Variants in PCDHGB7 observed in about 807,000 individuals in gnomAD.
PCDHGB7 encodes protocadherin gamma-B7.
Under a neutral mutation model 61.4 loss-of-function variants are expected in PCDHGB7, and 37 were observed. That is an observed-to-expected ratio of 0.60 (90% CI 0.46 to 0.79). PCDHGB7 has a LOEUF of 0.79. Among genes scored for constraint, PCDHGB7 ranks in the 30% least tolerant of loss-of-function variants. The pLI is 0.00. For synonymous variants in PCDHGB7, 464 were observed against 503.5 expected (o/e 0.92, Z 1.05); for missense variants, 1,166 against 1,202.5 (o/e 0.97, Z 0.45).
chr5:141,421,748 G>C, intron 1 of PCDHGB7: 1 of 1,613,944 alleles, frequency 6.2e-7, no homozygotes, highest in Non-Finnish European at 8.5e-7. Flanking sequence ...TACCAGCTCA[G>C]CCCTAATAAT....
In PCDHGB7 at chr5:141,432,598, G is replaced by A; in HGVS notation, c.2415+12324G>A. The A allele has an allele frequency of 6.2e-7, 1 of 1,613,920 alleles. No individual in the cohort carries two copies. The highest frequency in any genetic ancestry group is 8.5e-7 in the Non-Finnish European group (1 of 1,179,972). On this transcript the variant is annotated intron_variant, in intron 1 of 3. Transcript: ENST00000398594. The surrounding 1 kb of genome is among the most constrained non-coding windows in gnomAD (Gnocchi z 6.0). ...CCTACCGTCTGCTCAAGGCCAGCGA[G>A]CCGGGACTCTTCTCGGTGGGTCTGC...
At position 141,447,140 on chromosome 5, in the gene PCDHGB7, T is replaced by C. The variant is rs770212881; in HGVS notation, c.2415+26866T>C. ...ATGGATTTTTTTGTTTGTTTGTTTT[T>C]TGTTTTTGTTTTTGTTTAAGCGGGG... On this transcript the variant is annotated intron_variant, in intron 1 of 3. Coordinates refer to ENST00000398594, the MANE Select transcript of PCDHGB7 (RefSeq NM_018927.4). Among the ~76,000 whole-genome samples the C allele has an allele frequency of 6.6e-5, 10 of 152,158 alleles. 1 individual carries two copies. Among genetic ancestry groups the C allele is most frequent in the Non-Finnish European group, 1.2e-4 (8 of 68,042 alleles).
chr5:141,478,857 C>A, intron 1 of PCDHGB7: 1 of 1,353,600 alleles, frequency 7.4e-7, no homozygotes, highest in Non-Finnish European at 9.8e-7. Context: ...AACACAAGAT[C>A]TCAGCGATCA....
chr5:141,443,443 G>A (rs2098388456), intron 1 of PCDHGB7, among the ~76,000 whole-genome samples: 1 of 152,124 alleles, frequency 6.6e-6, no homozygotes, highest in African/African-American at 2.4e-5. Flanking sequence ...CTGTGGTTGC[G>A]CTCCTGTACT....
chr5:141,430,108 G>A (rs572634913), intron 1 of PCDHGB7, among the ~76,000 whole-genome samples: 1 of 152,190 alleles, frequency 6.6e-6, no homozygotes, highest in South Asian at 2.1e-4. Context: ...AGCGTTACAT[G>A]TCAACAACCT....
At chr5:141,422,181 G>A in intron 1 of PCDHGB7, 3 of 1,561,316 alleles carry the variant, frequency 1.9e-6, no homozygotes, top group Non-Finnish European at 2.6e-6. Flanking sequence ...TCTATGAGAT[G>A]GAAATTCAAG....
At chr5:141,450,829 A>T (rs187691791) in intron 1 of PCDHGB7, among the ~76,000 whole-genome samples, 19,077 of 135,014 alleles carry the variant, frequency 0.14, 1,595 homozygotes, top group African/African-American at 0.24. Context: ...TATTATTATT[A>T]TTTTTTTTTT....
chr5:141,482,923 AT>A (rs1193255251), intron 1 of PCDHGB7, among the ~76,000 whole-genome samples: 10 of 152,074 alleles, frequency 6.6e-5, no homozygotes, highest in Non-Finnish European at 1.5e-4. Context: ...AATACAAAAA[AT>A]TAGCCAGGTG....
Position 141,422,656 on chromosome 5 carries a change from G to T in PCDHGB7, c.2415+2382G>T, listed in dbSNP as rs759548203. The T allele has an allele frequency of 7.5e-6, 12 of 1,609,898 alleles. 1 individual carries two copies. The African/African-American group carries it at 1.1e-4, about 14-fold the overall frequency. On this transcript the variant is annotated intron_variant, in intron 1 of 3. Transcript: ENST00000398594. The stretch of plus-strand genomic sequence containing the variant: ...GGGTGCCTCCATCTTCTCAGTGACC[G>T]CCCTCGACCCGGACAGCAAACAGAA...
At chr5:141,455,661 T>TG (rs2098828692) in intron 1 of PCDHGB7, among the ~76,000 whole-genome samples, 1 of 152,024 alleles carries the variant, frequency 6.6e-6, no homozygotes, top group South Asian at 2.1e-4. Context: ...CAGGAACTTG[T>TG]GGGGCAAGGG....
At chr5:141,500,488 C>A (rs569168291) in intron 2 of PCDHGB7, among the ~76,000 whole-genome samples, 2 of 152,060 alleles carry the variant, frequency 1.3e-5, no homozygotes, top group East Asian at 3.9e-4. Flanking sequence ...GGATTACAGG[C>A]GTGAGCCACC....
Position 141,477,029 on chromosome 5 carries a change from A to T in PCDHGB7, c.2416-17778A>T, listed in dbSNP as rs754045855. ...CTTAGACCTTGTAACCGGGATGCTG[A>T]CAATCAAGGGTCGGCTGGACTTCGA... On this transcript the variant is annotated intron_variant, in intron 1 of 3. Transcript: ENST00000398594. This position sits in a 1 kb window ranked among gnomAD's most constrained non-coding sequence, Gnocchi z 4.9. 2 of 1,614,238 alleles carry T rather than the reference A, an allele frequency of 1.2e-6. No homozygotes were observed. The highest frequency in any genetic ancestry group is 3.3e-5 in the Admixed American group (2 of 60,028).
At chr5:141,427,056 T>C (rs1472513807) in intron 1 of PCDHGB7, 1 of 457,676 alleles carries the variant, frequency 2.2e-6, no homozygotes, top group Non-Finnish European at 4.4e-6. Flanking sequence ...CCCAGGCACC[T>C]CTGTACTAAA....
In PCDHGB7 at chr5:141,493,079, G is replaced by A. The variant is rs1299289839; in HGVS notation, c.2416-1728G>A. 6.6e-6 allele frequency among the ~76,000 whole-genome samples: 1 copy of A among 152,204 alleles called. No homozygotes were observed. Among genetic ancestry groups the A allele is most frequent in the East Asian group, 1.9e-4 (1 of 5,196 alleles). Reference sequence around the variant, plus strand: ...AAAAACACAAGTTTCTCCAACTCCAGGAGCTTTTATTCAAAATATATCAAT... The same window carrying A: ...AAAAACACAAGTTTCTCCAACTCCAAGAGCTTTTATTCAAAATATATCAAT... On this transcript the variant is annotated intron_variant, in intron 1 of 3. Transcript: ENST00000398594. The surrounding 1 kb of genome is among the most constrained non-coding windows in gnomAD (Gnocchi z 4.3).
intron 2 of PCDHGB7, among the ~76,000 whole-genome samples, chr5:141,503,448 C>T (rs765046868): frequency 2.0e-5 from 3 of 151,808 alleles, no homozygotes; most frequent in South Asian, 2.1e-4. Context: ...TACAAAAATT[C>T]GCTGGGCATG....
chr5:141,479,050 C>G (rs1484021560), intron 1 of PCDHGB7, among the ~76,000 whole-genome samples: 1 of 152,164 alleles, frequency 6.6e-6, no homozygotes, highest in South Asian at 2.1e-4. Context: ...ACCTCATTCT[C>G]AGATAATTTT....
chr5:141,418,586 A>C lies in PCDHGB7; in HGVS notation c.727A>C (p.Ser243Arg), dbSNP rs1422171892. ...TGCCAATGACAACCCCCCAGTGTTC[A>C]GCCAGGACGTGTACAGGGTTAGCCT... The part of the protein sequence containing the change: ...IDANDNPPVF[S>R]QDVYRVSLRE... Residue 243 changes from serine to arginine, a missense_variant, in exon 1 of 4, where the codon AGC becomes CGC. Physicochemically the swap from Ser to Arg is moderately radical, Grantham distance 110. Transcript: ENST00000398594. The C allele has an allele frequency of 1.9e-6, 3 of 1,613,930 alleles. No individual in the cohort carries two copies. In the Admixed American group the frequency reaches 5.0e-5, roughly 27 times the overall value.
chr5:141,497,614 A>G (rs1377740795), intron 2 of PCDHGB7, among the ~76,000 whole-genome samples: 1 of 146,530 alleles, frequency 6.8e-6, no homozygotes, highest in Admixed American at 7.0e-5. Context: ...ATCTTGGCTC[A>G]CTGCAACCTC....
chr5:141,441,359 G>T (rs932747576), intron 1 of PCDHGB7: 1 of 152,522 alleles, frequency 6.6e-6, no homozygotes, highest in Non-Finnish European at 1.5e-5. Flanking sequence ...TGTAACAAAT[G>T]GGGCCGTGGA....
Sources: gnomAD v4.1 joint callset for allele counts (sites outside exome capture counted in the v4.1 genomes callset) on GRCh38, gnomAD v4.1.1 for gene constraint, Gnocchi (gnomAD v3.1) non-coding constraint, MANE v1.5 for transcripts, NCBI Gene and HGNC (gene_info 2026-07-23, HGNC 2026-07-21) for gene names.